The following PPP2R5E variants were observed in gnomAD, a reference collection of about 807,000 sequenced individuals.
The protein encoded by PPP2R5E is protein phosphatase 2 regulatory subunit B'epsilon.
PPP2R5E carries 4 observed loss-of-function variants against 65.3 expected under a neutral mutation model. The ratio of observed to expected loss-of-function variants is 0.06; its 90% CI spans 0.03 to 0.14. PPP2R5E has a LOEUF of 0.14. PPP2R5E is among the 10% of genes least tolerant of loss of function. The pLI, the probability that PPP2R5E is intolerant of heterozygous loss-of-function variation, is 1.00. For missense variants in PPP2R5E, 274 were observed against 556.1 expected, an observed-to-expected ratio of 0.49 and a Z score of 5.10; for synonymous variants, 183 against 187.4, an observed-to-expected ratio of 0.98 and a Z score of 0.19.
chr14:63,427,990 C>T (rs1184841953), intron 3 of PPP2R5E, among the ~76,000 whole-genome samples: 2 of 152,158 alleles, frequency 1.3e-5, no homozygotes, highest in East Asian at 1.9e-4. Context: ...CTCTCATCTT[C>T]CCTACTCCCA....
intron 2 of PPP2R5E, among the ~76,000 whole-genome samples, chr14:63,513,572 T>C (rs1892546868): frequency 6.6e-6 from 1 of 152,114 alleles, no homozygotes. Context: ...AATGAACAGA[T>C]TGTAGAGCTT....
intron 13 of PPP2R5E, among the ~76,000 whole-genome samples, chr14:63,376,436 T>C (rs955022941): frequency 3.4e-5 from 5 of 147,052 alleles, no homozygotes; most frequent in Admixed American, 3.3e-4. Context: ...TTTATTCCTA[T>C]TTTTCCCACC....
At chr14:63,492,926 G>T (rs1891351070) in intron 2 of PPP2R5E, among the ~76,000 whole-genome samples, 1 of 152,096 alleles carries the variant, frequency 6.6e-6, no homozygotes, top group Admixed American at 6.6e-5. Context: ...AAGATACCAG[G>T]CTTCACTTTG....
chr14:63,539,493 T>C (rs112689059), intron 2 of PPP2R5E, 36 bp downstream of exon 2: 12 of 1,589,748 alleles, frequency 7.5e-6, no homozygotes, highest in East Asian at 2.2e-5. Context: ...GAAAGATCAA[T>C]TGAAAAAGAA....
At chr14:63,416,785 C>CT (rs1206649310) in intron 4 of PPP2R5E, among the ~76,000 whole-genome samples, 2 of 151,594 alleles carry the variant, frequency 1.3e-5, no homozygotes, top group Non-Finnish European at 2.9e-5. Flanking sequence ...TTATAAATCT[C>CT]TTTAATATGT....
intron 2 of PPP2R5E, among the ~76,000 whole-genome samples, chr14:63,511,643 A>T (rs8009130): frequency 0.11 from 16,037 of 152,284 alleles, 972 homozygotes; most frequent in Non-Finnish European, 0.13. Context: ...CAAAATTTCA[A>T]TTCTAAAGTA....
At chr14:63,440,948 CAAAA>C (rs374563795) in intron 3 of PPP2R5E, among the ~76,000 whole-genome samples, 16 of 67,662 alleles carry the variant, frequency 2.4e-4, no homozygotes, top group African/African-American at 5.8e-4. Context: ...GACTCCATCT[CAAAA>C]AAAAAAAAAA....
At chr14:63,446,861 AC>A (rs1458403654) in intron 3 of PPP2R5E, among the ~76,000 whole-genome samples, 10 of 151,760 alleles carry the variant, frequency 6.6e-5, no homozygotes, top group African/African-American at 2.4e-4. Flanking sequence ...AAAGAAAACA[AC>A]ATTCATCTCC....
chr14:63,540,693 G>T (rs1893862818), intron 1 of PPP2R5E, among the ~76,000 whole-genome samples: 1 of 149,968 alleles, frequency 6.7e-6, no homozygotes, highest in Non-Finnish European at 1.5e-5. Context: ...TTGCACTCCA[G>T]CCTGGGCAGC....
chr14:63,506,134 TAAAAAGAATTCTTCACCTTAATAAC>T (rs1892161155), intron 2 of PPP2R5E, among the ~76,000 whole-genome samples: 1 of 151,974 alleles, frequency 6.6e-6, no homozygotes, highest in Admixed American at 6.6e-5. Flanking sequence ...ACCCAGAATA[TAAAAAGAATTCTTCACCTTAATAAC>T]AAAAAGATTG....
chr14:63,450,380 G>A (rs960187288), intron 3 of PPP2R5E, among the ~76,000 whole-genome samples: 10 of 152,294 alleles, frequency 6.6e-5, no homozygotes, highest in South Asian at 2.1e-4. Flanking sequence ...TGCCTCCTAA[G>A]ATAAAGCTCC....
chr14:63,466,524 C>T lies in PPP2R5E; in HGVS notation c.158-12639G>A, dbSNP rs565669020. 5.9e-5 allele frequency among the ~76,000 whole-genome samples: 9 copies of T among 152,268 alleles called. No individual in the cohort carries two copies. The South Asian group carries it at 1.7e-3, about 28-fold the overall frequency. ...ACACAGGCATGTAGTACACAGTCCC[C>T]TAATTGTGAAGCTCTCCCATGCTTC... On this transcript the variant is annotated intron_variant, in intron 2 of 13. Coordinates refer to ENST00000337537, the MANE Select transcript of PPP2R5E (RefSeq NM_006246.5).
chr14:63,378,774 A>G (rs1884137055), intron 13 of PPP2R5E, among the ~76,000 whole-genome samples: 1 of 152,224 alleles, frequency 6.6e-6, no homozygotes, highest in African/African-American at 2.4e-5. Flanking sequence ...TATGTATCTA[A>G]CAGTGTTAAG....
intron 2 of PPP2R5E, among the ~76,000 whole-genome samples, chr14:63,507,234 A>G (rs952261846): frequency 7.2e-5 from 11 of 152,176 alleles, no homozygotes; most frequent in Non-Finnish European, 1.3e-4. Context: ...TACAGAAAGG[A>G]TATGGGGCCT....
At chr14:63,383,463 G>A (rs1884485199) in intron 12 of PPP2R5E, among the ~76,000 whole-genome samples, 1 of 152,126 alleles carries the variant, frequency 6.6e-6, no homozygotes, top group African/African-American at 2.4e-5. Flanking sequence ...AGCACCAAAT[G>A]TAGTATACTG....
intron 6 of PPP2R5E, 152 bp downstream of exon 6, chr14:63,396,434 G>C (rs1055870929): frequency 4.2e-6 from 4 of 956,296 alleles, no homozygotes; most frequent in Non-Finnish European, 4.5e-6. Context: ...AGGGGGTAGA[G>C]GAAGAGGCAG....
intron 3 of PPP2R5E, among the ~76,000 whole-genome samples, chr14:63,436,811 A>T (rs1249876823): frequency 6.6e-6 from 1 of 152,192 alleles, no homozygotes; most frequent in Admixed American, 6.5e-5. Context: ...AATGTGCTTT[A>T]AACACCACTG....
intron 3 of PPP2R5E, among the ~76,000 whole-genome samples, chr14:63,430,361 ACATACATACATG>A (rs749686396): frequency 1.7e-3 from 223 of 133,516 alleles, no homozygotes; most frequent in African/African-American, 2.3e-3. Flanking sequence ...ATACATACAT[ACATACATACATG>A]CATGCATACA....
intron 2 of PPP2R5E, among the ~76,000 whole-genome samples, chr14:63,519,679 T>G (rs1436948439): frequency 6.6e-6 from 1 of 150,510 alleles, no homozygotes; most frequent in Non-Finnish European, 1.5e-5. Context: ...TTTTTTTTTT[T>G]TTGAGACAGA....
Sources: gnomAD v4.1 joint callset for allele counts (sites outside exome capture counted in the v4.1 genomes callset) on GRCh38, gnomAD v4.1.1 for gene constraint, MANE v1.5 for transcripts, NCBI Gene and HGNC (gene_info 2026-07-23, HGNC 2026-07-21) for gene names.